LATS2: variants seen among roughly 807,000 people sequenced by gnomAD.
LATS2 encodes serine/threonine-protein kinase LATS2.
Under a neutral mutation model 76.0 loss-of-function variants are expected in LATS2, and 24 were observed. The ratio of observed to expected loss-of-function variants is 0.32; its 90% CI spans 0.23 to 0.44. The LOEUF (loss-of-function observed/expected upper bound fraction) is 0.44, where lower values mean the gene tolerates loss of function less well. Ranked by LOEUF, LATS2 falls within the 20% of genes least tolerant of loss-of-function variation. LATS2 has a pLI of 1.00. For synonymous variants in LATS2, 692 were observed against 635.4 expected (o/e 1.09, Z -1.34); for missense variants, 1,286 against 1,481.2 (o/e 0.87, Z 2.16).
chr13:21,051,854 G>C (rs951425250), intron 1 of LATS2, among the ~76,000 whole-genome samples: 1 of 150,000 alleles, frequency 6.7e-6, no homozygotes, highest in African/African-American at 2.4e-5. Context: ...CTACTCCGGA[G>C]GCTGAGGTGG....
intron 1 of LATS2, among the ~76,000 whole-genome samples, chr13:21,051,373 T>C (rs999291694): frequency 1.3e-5 from 2 of 152,194 alleles, no homozygotes; most frequent in African/African-American, 4.8e-5. Context: ...CTATAGGGTA[T>C]GTGTCACAAT....
At chr13:21,008,373 G>C (rs1021038640) in intron 2 of LATS2, among the ~76,000 whole-genome samples, 30 of 152,020 alleles carry the variant, frequency 2.0e-4, no homozygotes, top group Non-Finnish European at 3.8e-4. Context: ...GGGGCAGCCC[G>C]CTGGGTGGTG....
At chr13:21,007,598 ATATAGTGTGTATATATATATATAGT>A (rs1871346719) in intron 2 of LATS2, among the ~76,000 whole-genome samples, 1 of 7,338 alleles carries the variant, frequency 1.4e-4, no homozygotes, top group Admixed American at 3.6e-3. Context: ...GTATATATAT[ATATAGTGTGTATATATATATATAGT>A]GTATATATAT....
At chr13:21,041,224 G>C (rs113085159) in intron 2 of LATS2, among the ~76,000 whole-genome samples, 1 of 152,032 alleles carries the variant, frequency 6.6e-6, no homozygotes, top group African/African-American at 2.4e-5. Context: ...TGCCCGCCTT[G>C]GCCTCCCAAA....
At position 20,981,497 on chromosome 13, in the gene LATS2, G is replaced by C; in HGVS notation, c.2634C>G (p.Asn878Lys). Residue 878 changes from asparagine to lysine, a missense_variant, in exon 6 of 8, where the codon AAC becomes AAG. Around this residue, in one of 5 missense-constraint regions of LATS2, gnomAD observed 247 missense variants for 385.4 expected, o/e 0.64. Transcript: ENST00000382592. The part of the protein sequence containing the change: ...CLAHSLVGTP[N>K]YIAPEVLLRK... ...GGAGGAGCACCTCGGGTGCGATGTA[G>C]TTTGGAGTCCCCACCAGTGAATGTG... The C allele has an allele frequency of 6.2e-7, 1 of 1,614,130 alleles. No homozygotes were observed. The highest frequency in any genetic ancestry group is 1.1e-5 in the South Asian group (1 of 91,084).
At chr13:21,032,751 A>G in intron 2 of LATS2, among the ~76,000 whole-genome samples, 1 of 152,206 alleles carries the variant, frequency 6.6e-6, no homozygotes. Flanking sequence ...GGGAATTCAG[A>G]AAAGAAAGAA....
chr13:21,006,175 T>C (rs75448668), intron 2 of LATS2, among the ~76,000 whole-genome samples: 2,046 of 151,158 alleles, frequency 0.014, 50 homozygotes, highest in African/African-American at 0.047. Flanking sequence ...AAGGAAAGGA[T>C]TCACTTTCTG....
intron 1 of LATS2, among the ~76,000 whole-genome samples, chr13:21,048,739 A>G (rs530454151): frequency 1.3e-5 from 2 of 152,284 alleles, no homozygotes; most frequent in African/African-American, 4.8e-5. Context: ...TGGGAGGCTG[A>G]GGCAGGAGAA....
At chr13:21,058,503 T>C (rs763587367) in intron 1 of LATS2, among the ~76,000 whole-genome samples, 3 of 152,178 alleles carry the variant, frequency 2.0e-5, no homozygotes, top group Non-Finnish European at 2.9e-5. Context: ...GGAATCTTAT[T>C]GTAAAATCAT....
At chr13:20,993,751 C>T (rs1381494107) in intron 2 of LATS2, among the ~76,000 whole-genome samples, 3 of 152,142 alleles carry the variant, frequency 2.0e-5, no homozygotes, top group African/African-American at 7.2e-5. Context: ...GGAGATAAGA[C>T]TCCCACCACC....
intron 2 of LATS2, among the ~76,000 whole-genome samples, chr13:21,028,781 G>C (rs1271952439): frequency 6.6e-6 from 1 of 152,154 alleles, no homozygotes; most frequent in Non-Finnish European, 1.5e-5. Flanking sequence ...TGTTGGCCAG[G>C]ATGATCTCGA....
intron 1 of LATS2, among the ~76,000 whole-genome samples, chr13:21,060,873 T>C (rs1873616923): frequency 6.6e-6 from 1 of 150,936 alleles, no homozygotes; most frequent in Non-Finnish European, 1.5e-5. Context: ...CCCGAGGCTG[T>C]CAGGGGCGCC....
At position 20,999,986 on chromosome 13, in the gene LATS2, C is replaced by T. The variant is rs184473854; in HGVS notation, c.343-8582G>A. On this transcript the variant is annotated intron_variant, in intron 2 of 7. Transcript: ENST00000382592. ...CGGAGGTTGCAGTGAGTCAAGATCA[C>T]GCAGCAGAGCAAGTCTCCATCAAAA... 4.1e-3 allele frequency among the ~76,000 whole-genome samples: 619 copies of T among 151,852 alleles called. 3 individuals carry two copies. Among genetic ancestry groups the T allele is most frequent in the African/African-American group, 6.9e-3 (286 of 41,422 alleles).
At position 20,974,640 on chromosome 13, in the gene LATS2, T is replaced by C. The variant is rs532791356; in HGVS notation, c.*230A>G. The C allele has an allele frequency of 2.0e-4, 98 of 498,208 alleles. 1 individual carries two copies. The highest frequency in any genetic ancestry group is 1.9e-3 in the African/African-American group (96 of 51,128). 30.9% of individuals were successfully genotyped at this position (498,208 alleles called of 1,614,324 possible). A position where few individuals can be genotyped will look rare whatever the true frequency, so the allele number is the denominator to read the frequency against. On this transcript the variant is annotated 3_prime_UTR_variant, in exon 8 of 8. Transcript: ENST00000382592. ...AAACTGTACTAAATTTTCAAAAATA[T>C]TGTTTTAATGCAGTGAAGGTCCTGA...
In LATS2 at chr13:20,988,318, C is replaced by T. The variant is rs554795068; in HGVS notation, c.1462G>A (p.Glu488Lys). Residue 488 changes from glutamate (E) to lysine (K), a missense_variant, in exon 4 of 8, where the codon GAG becomes AAG. Physicochemically the swap from Glu to Lys is moderately conservative, Grantham distance 56. This residue lies in a region of LATS2 where 710 missense variants were observed against 660.9 expected (regional missense o/e 1.07). Transcript: ENST00000382592. ...APAAEGLDAKEEHALALGGAG... is the reference protein window; with the variant it reads ...APAAEGLDAKKEHALALGGAG... ...CCGCCCAGCGCCAGGGCATGCTCCT[C>T]CTTGGCGTCCAAGCCCTCCGCAGCC... The T allele has an allele frequency of 2.0e-6, 3 of 1,526,246 alleles. No homozygotes were observed. The highest frequency in any genetic ancestry group is 2.8e-5 in the African/African-American group (2 of 72,096). 94.5% of individuals were successfully genotyped at this position (1,526,246 alleles called of 1,614,324 possible).
intron 4 of LATS2, among the ~76,000 whole-genome samples, chr13:20,987,614 A>G (rs114964173): frequency 4.8e-4 from 73 of 152,322 alleles, no homozygotes; most frequent in African/African-American, 1.7e-3. Context: ...TTTACCTACA[A>G]TGTAAATTGT....
chr13:21,051,850 C>T (rs1313897411), intron 1 of LATS2, among the ~76,000 whole-genome samples: 1 of 150,442 alleles, frequency 6.6e-6, no homozygotes, highest in Non-Finnish European at 1.5e-5. Flanking sequence ...CCAGCTACTC[C>T]GGAGGCTGAG....
rs539416723 is a variant in LATS2 at position 21,012,144 on chromosome 13, T to C, written c.343-20740A>G. Among the ~76,000 whole-genome samples the C allele has an allele frequency of 1.3e-4, 20 of 152,304 alleles. 1 individual carries two copies. In the South Asian group the frequency reaches 2.9e-3, roughly 22 times the overall value. ...AATACTGTAGGCAACTGTAACAGAA[T>C]AGTGTTTATCTAAACATCTCTAAAC... On this transcript the variant is annotated intron_variant, in intron 2 of 7. Transcript: ENST00000382592.
chr13:21,059,646 C>G (rs1268693678), intron 1 of LATS2, among the ~76,000 whole-genome samples: 1 of 149,840 alleles, frequency 6.7e-6, no homozygotes, highest in South Asian at 2.1e-4. Context: ...CCTAGAGAAG[C>G]GTGAAAATGT....
Sources: gnomAD v4.1 joint callset for allele counts (sites outside exome capture counted in the v4.1 genomes callset) on GRCh38, gnomAD v4.1.1 for gene constraint, gnomAD v4.1.1 regional missense constraint, MANE v1.5 for transcripts, NCBI Gene and HGNC (gene_info 2026-07-23, HGNC 2026-07-21) for gene names.